Variants in ULK4 observed in about 807,000 individuals in gnomAD.
ULK4 encodes the protein inactive serine/threonine-protein kinase ULK4.
Under a neutral mutation model 160.6 loss-of-function variants are expected in ULK4, and 133 were observed. The observed-to-expected ratio is 0.83, with a 90% CI of 0.72 to 0.96. ULK4 has a LOEUF of 0.96. ULK4 is among the 40% of genes least tolerant of loss of function. The pLI is 0.00. For missense variants in ULK4, 1,580 were observed against 1,499.5 expected, an observed-to-expected ratio of 1.05 and a Z score of -0.89; for synonymous variants, 534 against 539.8, an observed-to-expected ratio of 0.99 and a Z score of 0.15.
At chr3:41,425,392 A>T (rs2082755416) in intron 34 of ULK4, among the ~76,000 whole-genome samples, 1 of 152,214 alleles carries the variant, frequency 6.6e-6, no homozygotes, top group Non-Finnish European at 1.5e-5. Flanking sequence ...ATCATCCAAG[A>T]GAACTTCCCC....
intron 30 of ULK4, among the ~76,000 whole-genome samples, chr3:41,647,675 C>G (rs879899764): frequency 6.6e-6 from 1 of 152,212 alleles, no homozygotes; most frequent in African/African-American, 2.4e-5. Context: ...GCAGTCTGCC[C>G]GTTCTCAGAT....
chr3:41,814,188 G>T (rs999439993), intron 19 of ULK4, among the ~76,000 whole-genome samples: 1 of 152,174 alleles, frequency 6.6e-6, no homozygotes, highest in Non-Finnish European at 1.5e-5. Context: ...TCTGTATGTA[G>T]TATCTTTCAA....
intron 17 of ULK4, chr3:41,854,322 T>C (rs1047084520): frequency 6.6e-5 from 10 of 152,210 alleles, no homozygotes; most frequent in African/African-American, 2.4e-4. Flanking sequence ...ACCAGCATCT[T>C]TGAAGAGCTC....
intron 32 of ULK4, among the ~76,000 whole-genome samples, chr3:41,526,327 G>C (rs974374138): frequency 6.6e-6 from 1 of 152,130 alleles, no homozygotes. Context: ...TGTGGAGAGG[G>C]ACAGAGCCAG....
chr3:41,954,630 T>C lies in ULK4; in HGVS notation c.130A>G (p.Thr44Ala). 3 of 1,612,766 alleles carry C rather than the reference T, an allele frequency of 1.9e-6. No individual in the cohort carries two copies. The highest frequency in any genetic ancestry group is 2.5e-6 in the Non-Finnish European group (3 of 1,179,504). Residue 44 changes from threonine to alanine, a missense_variant, in exon 2 of 37, where the codon ACC (threonine) becomes GCC (alanine). Transcript: ENST00000301831. ...CTDKCKRPEITNWVRLTREIK... is the reference protein window; with the variant it reads ...CTDKCKRPEIANWVRLTREIK... ...GAAATACACTGACTTACCCAGTTGG[T>C]TATTTCAGGCCTTTTGCACTTATCA... is the stretch of plus-strand genomic sequence containing the variant.
intron 33 of ULK4, among the ~76,000 whole-genome samples, chr3:41,461,698 A>C (rs2083688274): frequency 6.6e-6 from 1 of 152,222 alleles, no homozygotes. Flanking sequence ...CTGAATATCT[A>C]CCTAATCACT....
chr3:41,652,867 T>C (rs959260322), intron 30 of ULK4, among the ~76,000 whole-genome samples: 2 of 152,208 alleles, frequency 1.3e-5, no homozygotes, highest in Non-Finnish European at 2.9e-5. Context: ...GCACCATGAA[T>C]AAACCAGGAG....
intron 35 of ULK4, among the ~76,000 whole-genome samples, chr3:41,258,963 C>T (rs1435024862): frequency 6.7e-6 from 1 of 149,372 alleles, no homozygotes; most frequent in Non-Finnish European, 1.5e-5. Flanking sequence ...TATATATATA[C>T]ATATATGTGT....
chr3:41,737,395 C>T lies in ULK4; in HGVS notation c.2321+16966G>A, dbSNP rs1225228181. Among the ~76,000 whole-genome samples, 4 of 151,884 alleles carry T rather than the reference C, an allele frequency of 2.6e-5. 1 individual carries two copies. The highest frequency in any genetic ancestry group is 9.7e-5 in the African/African-American group (4 of 41,190). ...CAAACAAATGGAAGAACATTCCATG[C>T]TCATGGGTAGGAAGAATCAATATCA... is the stretch of plus-strand genomic sequence containing the variant. On this transcript the variant is annotated intron_variant, in intron 22 of 36. Transcript: ENST00000301831.
At chr3:41,862,622 A>T (rs970158700) in intron 17 of ULK4, among the ~76,000 whole-genome samples, 6 of 152,150 alleles carry the variant, frequency 3.9e-5, no homozygotes, top group Non-Finnish European at 8.8e-5. Context: ...CCCCGTGCCC[A>T]GTAACACTGT....
intron 35 of ULK4, among the ~76,000 whole-genome samples, chr3:41,336,922 T>C (rs867657717): frequency 6.6e-6 from 1 of 152,228 alleles, no homozygotes; most frequent in African/African-American, 2.4e-5. Context: ...ACCAGGGGGC[T>C]ATACTGCAGC....
Position 41,398,122 on chromosome 3 carries a change from T to TC in ULK4, c.3634dup (p.Asp1212GlyfsTer20). On this transcript the variant is annotated frameshift_variant, in exon 35 of 37. Transcript: ENST00000301831. LOFTEE classifies it high-confidence loss of function. ...TAACAGAAGCTTCTGCTCCTTTGGG[T>TC]CCTCCTTGGATGTCAGTAAATGAGC... 6.2e-7 allele frequency: 1 copy of TC among 1,613,366 alleles called. No homozygotes were observed. The highest frequency in any genetic ancestry group is 8.5e-7 in the Non-Finnish European group (1 of 1,179,600).
At chr3:41,951,589 A>G (rs762940009) in intron 2 of ULK4, among the ~76,000 whole-genome samples, 1 of 152,226 alleles carries the variant, frequency 6.6e-6, no homozygotes, top group Non-Finnish European at 1.5e-5. Context: ...AAACTATTCA[A>G]TGAGGAAAGG....
At position 41,883,857 on chromosome 3, in the gene ULK4, G is replaced by A. The variant is rs1318490118; in HGVS notation, c.1656+17C>T. Reference sequence around the variant, plus strand: ...ATTTCTTGACATTCATCACATTTAAGTAATAAAAGACATTACCTCAACAAC... The same window carrying A: ...ATTTCTTGACATTCATCACATTTAAATAATAAAAGACATTACCTCAACAAC... On this transcript the variant is annotated intron_variant, in intron 17 of 36. Coordinates refer to ENST00000301831, the MANE Select transcript of ULK4 (RefSeq NM_017886.4). The A allele has an allele frequency of 8.2e-6, 13 of 1,579,844 alleles. No individual in the cohort carries two copies. The highest frequency in any genetic ancestry group is 2.7e-5 in the African/African-American group (2 of 74,702).
chr3:41,906,123 G>A (rs1302466238), intron 12 of ULK4, among the ~76,000 whole-genome samples: 2 of 147,024 alleles, frequency 1.4e-5, no homozygotes, highest in East Asian at 4.2e-4. Flanking sequence ...AGGCTGAGGC[G>A]GGAGAATGGC....
At chr3:41,882,262 T>C in intron 17 of ULK4, 2 of 702,990 alleles carry the variant, frequency 2.8e-6, no homozygotes, top group Non-Finnish European at 5.2e-6. Context: ...AAAATCCCGA[T>C]TCCAATGGAG....
At chr3:41,549,121 G>A (rs1233292000) in intron 32 of ULK4, among the ~76,000 whole-genome samples, 1 of 152,024 alleles carries the variant, frequency 6.6e-6, no homozygotes, top group Non-Finnish European at 1.5e-5. Context: ...TCAACATAAG[G>A]ACATAAGAGA....
At chr3:41,283,541 G>T (rs573755134) in intron 35 of ULK4, among the ~76,000 whole-genome samples, 1 of 152,040 alleles carries the variant, frequency 6.6e-6, no homozygotes, top group Non-Finnish European at 1.5e-5. Flanking sequence ...GCAAACTATC[G>T]CAAGGACAAA....
chr3:41,907,177 G>A (rs1478395723), intron 12 of ULK4, among the ~76,000 whole-genome samples: 1 of 152,186 alleles, frequency 6.6e-6, no homozygotes, highest in Non-Finnish European at 1.5e-5. Flanking sequence ...GAAACATGGG[G>A]TGGCGGGGGC....
Sources: allele counts gnomAD v4.1 joint callset (sites outside exome capture counted in the v4.1 genomes callset), GRCh38; gene constraint gnomAD v4.1.1; transcripts MANE v1.5; gene names NCBI Gene and HGNC (gene_info 2026-07-23, HGNC 2026-07-21).